The following SLC6A8 variants were observed in gnomAD, a reference collection of about 807,000 sequenced individuals.
SLC6A8 encodes the protein solute carrier family 6 member 8.
In SLC6A8, 6 loss-of-function variants were observed where a neutral mutation model predicts 48.3. That is an observed-to-expected ratio of 0.12 (90% CI 0.07 to 0.25). SLC6A8 has a LOEUF of 0.25. Ranked by LOEUF, SLC6A8 falls within the 10% of genes least tolerant of loss-of-function variation. SLC6A8 has a pLI of 1.00. For missense variants in SLC6A8, 260 were observed against 551.5 expected (o/e 0.47, Z 5.29); for synonymous variants, 245 against 244.0 (o/e 1.00, Z -0.04).
In SLC6A8 at chrX:153,693,217, G is replaced by T. The variant is rs782379635; in HGVS notation, c.912+42G>T. 1.7e-5 allele frequency: 20 copies of T among 1,206,763 alleles called. No homozygotes were observed. The African/African-American group carries it at 3.5e-4, about 21-fold the overall frequency. On this transcript the variant is annotated intron_variant, in intron 5 of 12. Coordinates refer to ENST00000253122, the MANE Select transcript of SLC6A8 (RefSeq NM_005629.4). ...GAGGCTGCAGCAGGGCGCTGCGGGG[G>T]AGCCCTGCAGGCCCCTCATGCCTGC...
At position 153,692,128 on chromosome X, in the gene SLC6A8, C is replaced by T. The variant is rs2091459269; in HGVS notation, c.777+21C>T. The T allele has an allele frequency of 1.0e-5, 12 of 1,191,225 alleles. No individual in the cohort carries two copies. In the South Asian group the frequency reaches 1.1e-4, roughly 11 times the overall value. ...GAAAGGTACCACTAGAGGCATGCAG[C>T]GGGGAGGGTGGCTCAGCCCTGGGAG... On this transcript the variant is annotated intron_variant, in intron 4 of 12. Transcript: ENST00000253122.
rs1557045125 is a variant in SLC6A8 at position 153,693,458 on chromosome X, T to G, written c.1017-4T>G. The G allele has an allele frequency of 8.3e-7, 1 of 1,210,419 alleles. No homozygotes were observed. Among genetic ancestry groups the G allele is most frequent in the Admixed American group, 2.2e-5 (1 of 45,962 alleles). On this transcript the variant is annotated splice_region_variant and splice_polypyrimidine_tract_variant and intron_variant, in intron 6 of 12. Coordinates refer to ENST00000253122, the MANE Select transcript of SLC6A8 (RefSeq NM_005629.4). ...CCATCCACTCTGGCCCCTCCACCCC[T>G]CAGGGACGCCATCATCCTGGCTCTC...
intron 4 of SLC6A8, 36 bp from the exon 5 acceptor site, chrX:153,693,005 G>T (rs375629032): frequency 7.5e-6 from 9 of 1,207,847 alleles, no homozygotes; most frequent in Admixed American, 2.2e-5. Context: ...GAGGGAGGTG[G>T]TGCCACAGCC....
intron 4 of SLC6A8, chrX:153,692,670 C>T (rs1441134053): frequency 1.1e-5 from 4 of 351,336 alleles, no homozygotes; most frequent in South Asian, 2.6e-5. Context: ...GAGGGGGACC[C>T]GACCCGGATC....
rs373525249 is a variant in SLC6A8 at position 153,694,337 on chromosome X, C to A, written c.1393-7C>A. ...GCCATCCTCCCTGACTGGGCTCTGTCCCCCAGGGCGGGATGTACGTCTTCC... is the reference window on the plus strand; with the variant it reads ...GCCATCCTCCCTGACTGGGCTCTGTACCCCAGGGCGGGATGTACGTCTTCC... On this transcript the variant is annotated splice_polypyrimidine_tract_variant and splice_region_variant and intron_variant, in intron 9 of 12. Transcript: ENST00000253122. The A allele has an allele frequency of 5.0e-6, 6 of 1,208,143 alleles. No homozygotes were observed. The highest frequency in any genetic ancestry group is 3.5e-5 in the African/African-American group (2 of 57,047).
rs376073223 is a variant in SLC6A8, at chrX:153,694,714, C to T, written c.1597-5C>T. On this transcript the variant is annotated splice_polypyrimidine_tract_variant and splice_region_variant and intron_variant, in intron 11 of 12. Coordinates refer to ENST00000253122, the MANE Select transcript of SLC6A8 (RefSeq NM_005629.4). Reference sequence around the variant, plus strand: ...CCCCATTAACCGCAGCATTCTGGTCCGTAGGGCATCTTCATCTTCAACGTT... The same window carrying T: ...CCCCATTAACCGCAGCATTCTGGTCTGTAGGGCATCTTCATCTTCAACGTT... 45 of 1,209,202 alleles carry T rather than the reference C, an allele frequency of 3.7e-5. No individual in the cohort carries two copies. The highest frequency in any genetic ancestry group is 2.4e-4 in the African/African-American group (14 of 57,368).
rs782138355 is a variant in SLC6A8 at position 153,693,406 on chromosome X, C to G, written c.1016+40C>G. ...CCTGCCACCCGTGCCCTGTCCTGCC[C>G]TGCCCCGCCCTGCCCAGCAGCCTAA... On this transcript the variant is annotated intron_variant, in intron 6 of 12. Coordinates refer to ENST00000253122, the MANE Select transcript of SLC6A8 (RefSeq NM_005629.4). The G allele has an allele frequency of 4.1e-6, 5 of 1,206,891 alleles. No homozygotes were observed. In the South Asian group the frequency reaches 5.3e-5, roughly 13 times the overall value.
At position 153,693,455 on chromosome X, in the gene SLC6A8, C is replaced by T. The variant is rs2148363139; in HGVS notation, c.1017-7C>T. The T allele has an allele frequency of 1.7e-6, 2 of 1,211,045 alleles. No homozygotes were observed. Among genetic ancestry groups the T allele is most frequent in the Non-Finnish European group, 2.2e-6 (2 of 894,898 alleles). ...AACCCATCCACTCTGGCCCCTCCAC[C>T]CCTCAGGGACGCCATCATCCTGGCT... On this transcript the variant is annotated splice_region_variant and splice_polypyrimidine_tract_variant and intron_variant, in intron 6 of 12. Coordinates refer to ENST00000253122, the MANE Select transcript of SLC6A8 (RefSeq NM_005629.4).
intron 11 of SLC6A8, 41 bp from the exon 12 acceptor site, chrX:153,694,678 C>T (rs782277106): frequency 1.2e-4 from 82 of 685,542 alleles, no homozygotes; most frequent in Admixed American, 6.8e-4. Context: ...CGAGGCAGGG[C>T]GGGGTAGGGG....
chrX:153,690,936 T>G (rs1358589619), intron 2 of SLC6A8: 4 of 239,401 alleles, frequency 1.7e-5, no homozygotes, highest in Non-Finnish European at 3.0e-5. Context: ...TGCTGAGGAC[T>G]GGAGGCTACT....
At position 153,695,507 on chromosome X, in the gene SLC6A8, GCCCCTGCCACGCCCAC is replaced by G. The variant is rs1230746998; in HGVS notation, c.*302_*317del. 3.2e-6 allele frequency: 1 copy of G among 311,421 alleles called. No individual in the cohort carries two copies. 25.7% of individuals were successfully genotyped at this position (311,421 alleles called of 1,213,427 possible). A position where few individuals can be genotyped will look rare whatever the true frequency, so the allele number is the denominator to read the frequency against. On this transcript the variant is annotated 3_prime_UTR_variant, in exon 13 of 13. Coordinates refer to ENST00000253122, the MANE Select transcript of SLC6A8 (RefSeq NM_005629.4). ...CCACCCACAGTGCTGCACTCCTCCT[GCCCCTGCCACGCCCAC>G]CCCCTGCCCACCTCTCCAGGCTCTG...
chrX:153,692,929 G>C (rs1557044889), intron 4 of SLC6A8, 112 bp from the exon 5 acceptor site: 1 of 975,968 alleles, frequency 1.0e-6, no homozygotes, highest in Non-Finnish European at 1.4e-6. Context: ...ATGGCTCGGA[G>C]GACAATGGGG....
Position 153,694,543 on chromosome X carries a change from C to T in SLC6A8, c.1506C>T (p.Arg502=), listed in dbSNP as rs782374700. 24 of 1,207,567 alleles carry T rather than the reference C, an allele frequency of 2.0e-5. No individual in the cohort carries two copies. Among genetic ancestry groups the T allele is most frequent in the Admixed American group, 1.1e-4 (5 of 45,696 alleles). ...VVVAWVYGAD[R]FMDDIACMIG... ...CTCACCTCGCCGCAGGAGCTGACCG[C>T]TTCATGGACGACATTGCCTGTATGA... Residue 502 remains arginine, a synonymous_variant, in exon 11 of 13, where the codon CGC becomes CGT. Transcript: ENST00000253122.
chrX:153,689,286 C>A (rs2091441664), intron 1 of SLC6A8, among the ~76,000 whole-genome samples: 1 of 98,813 alleles, frequency 1.0e-5, no homozygotes, highest in Non-Finnish European at 2.0e-5. Flanking sequence ...CTCCCCTCCC[C>A]TCGCGGCCCT....
chrX:153,688,215 C>T lies in SLC6A8; in HGVS notation c.-360C>T, dbSNP rs1434159301. On this transcript the variant is annotated 5_prime_UTR_variant, in exon 1 of 13. Coordinates refer to ENST00000253122, the MANE Select transcript of SLC6A8 (RefSeq NM_005629.4). ...CGCCCCGCTAGGCTGAGCCTCGGGTCGGGCGAGGAGCCGCCGCAGCCGCCG... is the reference window on the plus strand; with the variant it reads ...CGCCCCGCTAGGCTGAGCCTCGGGTTGGGCGAGGAGCCGCCGCAGCCGCCG... 1 of 96,106 alleles carries T rather than the reference C, an allele frequency of 1.0e-5. No individual in the cohort carries two copies. The highest frequency in any genetic ancestry group is 2.1e-5 in the Non-Finnish European group (1 of 46,787). The allele number at this position is 96,106 out of a possible 1,213,427, so 7.9% of individuals were successfully genotyped here. A position where few individuals can be genotyped will look rare whatever the true frequency, so the allele number is the denominator to read the frequency against.
chrX:153,694,679 G>A (rs201169630), intron 11 of SLC6A8, 40 bp from the exon 12 acceptor site: 77 of 1,203,784 alleles, frequency 6.4e-5, no homozygotes, highest in Non-Finnish European at 8.0e-5. Context: ...GAGGCAGGGC[G>A]GGGTAGGGGC....
Position 153,688,677 on chromosome X carries a change from G to A in SLC6A8, c.103G>A (p.Asp35Asn). 9.2e-7 allele frequency: 1 copy of A among 1,092,157 alleles called. No homozygotes were observed. Among genetic ancestry groups the A allele is most frequent in the Non-Finnish European group, 1.2e-6 (1 of 834,753 alleles). 90.0% of individuals were successfully genotyped at this position (1,092,157 alleles called of 1,213,427 possible). Reference sequence around the variant, plus strand: ...GCCCGACGGGGCCCCGGCCAAGGGCGACGGCCCCGTGGGCCTGGGGACACC... The same window carrying A: ...GCCCGACGGGGCCCCGGCCAAGGGCAACGGCCCCGTGGGCCTGGGGACACC... ...PGPDGAPAKG[D>N]GPVGLGTPGG... is the part of the protein sequence containing the mutation. The change falls in exon 1 of 13, where the codon GAC becomes AAC. Residue 35 changes from aspartate (D) to asparagine (N), a missense_variant. This residue lies in a region of SLC6A8 where 50 missense variants were observed against 55.1 expected (regional missense o/e 0.91). Transcript: ENST00000253122.
chrX:153,690,892 A>ACCCCCCCCCC (rs34305716), intron 2 of SLC6A8: 5 of 139,209 alleles, frequency 3.6e-5, no homozygotes, highest in African/African-American at 2.8e-4. Context: ...GCGACTAGAA[A>ACCCCCCCCCC]CCCCCCCCCC....
At position 153,691,363 on chromosome X, in the gene SLC6A8, C is replaced by T. The variant is rs1603215008; in HGVS notation, c.454C>T (p.Leu152=). Residue 152 remains leucine, a synonymous_variant, in exon 3 of 13, where the codon CTG becomes TTG. Transcript: ENST00000253122. ...CTGCAACACCTACTACATCATGGTG[C>T]TGGCCTGGGGCTTCTATTACCTGGT... ...FYCNTYYIMV[L]AWGFYYLVKS... 1.7e-6 allele frequency: 2 copies of T among 1,208,701 alleles called. No homozygotes were observed. Among genetic ancestry groups the T allele is most frequent in the African/African-American group, 1.7e-5 (1 of 57,872 alleles).
Sources: gnomAD v4.1 joint callset for allele counts (sites outside exome capture counted in the v4.1 genomes callset) on GRCh38, gnomAD v4.1.1 for gene constraint, gnomAD v4.1.1 regional missense constraint, MANE v1.5 for transcripts, NCBI Gene and HGNC (gene_info 2026-07-23, HGNC 2026-07-21) for gene names.